The following KIF17 variants were observed in gnomAD, a reference collection of about 807,000 sequenced individuals.
KIF17 encodes the protein kinesin family member 17.
KIF17 carries 80 observed loss-of-function variants against 96.8 expected under a neutral mutation model. The ratio of observed to expected loss-of-function variants is 0.83; its 90% CI spans 0.69 to 1.00. The LOEUF (loss-of-function observed/expected upper bound fraction) is 1.00, where lower values mean the gene tolerates loss of function less well. Ranked by LOEUF, KIF17 falls within the 50% of genes least tolerant of loss-of-function variation. The pLI is 0.00. For missense variants in KIF17, 1,280 were observed against 1,372.9 expected (o/e 0.93, Z 1.07); for synonymous variants, 567 against 587.5 (o/e 0.97, Z 0.51).
chr1:20,663,229 G>T (rs2053468278), downstream of KIF17, among the ~76,000 whole-genome samples: 1 of 152,066 alleles, frequency 6.6e-6, no homozygotes, highest in Non-Finnish European at 1.5e-5. Flanking sequence ...CAGTCTCAAA[G>T]AAAATAAAAA....
intron 1 of KIF17, among the ~76,000 whole-genome samples, chr1:20,716,019 G>C (rs1327803316): frequency 6.6e-6 from 1 of 152,158 alleles, no homozygotes; most frequent in Non-Finnish European, 1.5e-5. Flanking sequence ...GGCTGAGGTG[G>C]GCAGATTACC....
At chr1:20,680,959 T>TA (rs2053819258) in intron 11 of KIF17, among the ~76,000 whole-genome samples, 1 of 150,984 alleles carries the variant, frequency 6.6e-6, no homozygotes, top group African/African-American at 2.4e-5. Context: ...CCGTCTCTAC[T>TA]AAAAAAATAC....
At position 20,685,356 on chromosome 1, in the gene KIF17, G is replaced by A. The variant is rs2053919082; in HGVS notation, c.2020-336C>T. 2.1e-6 allele frequency: 1 copy of A among 473,196 alleles called. No individual in the cohort carries two copies. Among genetic ancestry groups the A allele is most frequent in the Non-Finnish European group, 4.1e-6 (1 of 245,694 alleles). 29.3% of individuals were successfully genotyped at this position (473,196 alleles called of 1,614,324 possible). Reference sequence around the variant, plus strand: ...ATGTGACTTCCCGTCACGTTCGCAGGAAAGTCCACTTTCCTCCCTGCCGGC... The same window carrying A: ...ATGTGACTTCCCGTCACGTTCGCAGAAAAGTCCACTTTCCTCCCTGCCGGC... On this transcript the variant is annotated intron_variant, in intron 9 of 14. Transcript: ENST00000400463. The surrounding 1 kb of genome is among the most constrained non-coding windows in gnomAD (Gnocchi z 4.1).
intron 2 of KIF17, among the ~76,000 whole-genome samples, chr1:20,715,060 C>T (rs1266503038): frequency 6.6e-6 from 1 of 152,190 alleles, no homozygotes; most frequent in Non-Finnish European, 1.5e-5. Flanking sequence ...CTCAACTTGG[C>T]CAATAAAGGC....
intron 6 of KIF17, among the ~76,000 whole-genome samples, chr1:20,695,482 C>T (rs2054120811): frequency 6.6e-6 from 1 of 152,220 alleles, no homozygotes; most frequent in African/African-American, 2.4e-5. Context: ...AGCCACTGCA[C>T]CCAACCCCAT....
At chr1:20,676,344 T>A (rs1282878635) in intron 11 of KIF17, among the ~76,000 whole-genome samples, 1 of 151,944 alleles carries the variant, frequency 6.6e-6, no homozygotes. Context: ...TGGAAAAAAA[T>A]TTACAATTTA....
rs1205018230 is a variant in KIF17 at position 20,666,209 on chromosome 1, C to T, written c.2908+5G>A. The T allele has an allele frequency of 1.2e-6, 2 of 1,604,838 alleles. No homozygotes were observed. Among genetic ancestry groups the T allele is most frequent in the Non-Finnish European group, 1.7e-6 (2 of 1,171,522 alleles). The stretch of plus-strand genomic sequence containing the variant: ...AGAGGGTGGGGACAGGGGAGGGACA[C>T]TCACTGAGGCTCTTCCTGGCGTCTG... On this transcript the variant is annotated splice_donor_5th_base_variant and intron_variant, in intron 14 of 14. Coordinates refer to ENST00000400463, the MANE Select transcript of KIF17 (RefSeq NM_001122819.3).
Position 20,685,004 on chromosome 1 carries a change from G to A in KIF17, c.2036C>T (p.Ser679Leu), listed in dbSNP as rs770015366. The change falls in exon 10 of 15, where the codon TCG becomes TTG. Residue 679 changes from serine (S) to leucine (L), a missense_variant. Physicochemically the swap from Ser to Leu is moderately radical, Grantham distance 145. Coordinates refer to ENST00000400463, the MANE Select transcript of KIF17 (RefSeq NM_001122819.3). This position sits in a 1 kb window ranked among gnomAD's most constrained non-coding sequence, Gnocchi z 4.1. ...FPPRPEVDLA[S>L]EVALEVVRTA... ...CCGCACCACCTCTAAGGCCACTTCC[G>A]AGGCCAGATCTACCTCCTGAGTGTG... 67 of 1,598,394 alleles carry A rather than the reference G, an allele frequency of 4.2e-5. No individual in the cohort carries two copies. The highest frequency in any genetic ancestry group is 1.2e-4 in the African/African-American group (9 of 74,560).
At chr1:20,671,884 G>A (rs1288117584) in intron 12 of KIF17, 54 bp downstream of exon 12, 1 of 1,595,398 alleles carries the variant, frequency 6.3e-7, no homozygotes, top group Middle Eastern at 2.1e-4. Context: ...CAGTCTGCAG[G>A]ATGGTAAGCC....
At chr1:20,671,802 T>C in intron 12 of KIF17, 136 bp downstream of exon 12, 1 of 1,075,864 alleles carries the variant, frequency 9.3e-7, no homozygotes, top group South Asian at 1.5e-5. Context: ...CTCAGAGTCC[T>C]GACGCATCAG....
chr1:20,676,151 A>G (rs1455838185), intron 11 of KIF17, among the ~76,000 whole-genome samples: 2 of 152,260 alleles, frequency 1.3e-5, no homozygotes, highest in Non-Finnish European at 2.9e-5. Flanking sequence ...CAGATTAAGG[A>G]TCAGAGATTT....
Position 20,684,995 on chromosome 1 carries a change from G to A in KIF17, c.2045C>T (p.Ala682Val). 6.9e-6 allele frequency: 11 copies of A among 1,602,240 alleles called. No homozygotes were observed. Among genetic ancestry groups the A allele is most frequent in the South Asian group, 1.1e-5 (1 of 89,020 alleles). ...RPEVDLASEV[A>V]LEVVRTAEPG... ...CTCTGCTGTCCGCACCACCTCTAAG[G>A]CCACTTCCGAGGCCAGATCTACCTC... Residue 682 changes from alanine (A) to valine (V), a missense_variant, in exon 10 of 15, where the codon GCC becomes GTC. By Grantham distance (64) the Ala-to-Val change is moderately conservative. Coordinates refer to ENST00000400463, the MANE Select transcript of KIF17 (RefSeq NM_001122819.3).
intron 6 of KIF17, among the ~76,000 whole-genome samples, chr1:20,695,227 G>A (rs557134542): frequency 1.3e-5 from 2 of 151,606 alleles, no homozygotes; most frequent in South Asian, 2.1e-4. Context: ...TCACTCTGTC[G>A]CCCAGGCTGG....
chr1:20,715,441 C>A, intron 2 of KIF17, 52 bp downstream of exon 2: 1 of 1,603,024 alleles, frequency 6.2e-7, no homozygotes, highest in Non-Finnish European at 8.5e-7. Flanking sequence ...CAGAAGTGCT[C>A]TGGGCCCAGC....
chr1:20,690,490 T>C (rs1394845670), intron 6 of KIF17, among the ~76,000 whole-genome samples, 155 bp from the exon 7 acceptor site: 1 of 152,144 alleles, frequency 6.6e-6, no homozygotes, highest in Non-Finnish European at 1.5e-5. Flanking sequence ...TACTTGCCGG[T>C]GAAGACCTTT....
chr1:20,692,781 T>C (rs2154536428), intron 6 of KIF17: 1 of 151,704 alleles, frequency 6.6e-6, no homozygotes, highest in African/African-American at 2.4e-5. Flanking sequence ...TCTTTCTTTT[T>C]TTTTTTTTTT....
Position 20,674,042 on chromosome 1 carries a change from C to T in KIF17, c.2464-1846G>A, listed in dbSNP as rs558306218. Among the ~76,000 whole-genome samples the T allele has an allele frequency of 3.9e-5, 6 of 152,128 alleles. No individual in the cohort carries two copies. In the South Asian group the frequency reaches 1.2e-3, roughly 32 times the overall value. On this transcript the variant is annotated intron_variant, in intron 11 of 14. Transcript: ENST00000400463. Reference sequence around the variant, plus strand: ...GTTCTGGGCTCAAGCAATCTTCCCACCTCAGCCTCCCAAATAGCTGGGACT... The same window carrying T: ...GTTCTGGGCTCAAGCAATCTTCCCATCTCAGCCTCCCAAATAGCTGGGACT...
At chr1:20,705,292 A>C (rs1350926480) in intron 4 of KIF17, among the ~76,000 whole-genome samples, 1 of 152,182 alleles carries the variant, frequency 6.6e-6, no homozygotes, top group Non-Finnish European at 1.5e-5. Flanking sequence ...CCAGGGAGTG[A>C]TGTCATTCAA....
At chr1:20,695,932 G>A (rs565209668) in intron 6 of KIF17, among the ~76,000 whole-genome samples, 2 of 152,246 alleles carry the variant, frequency 1.3e-5, no homozygotes, top group South Asian at 2.1e-4. Flanking sequence ...ACTGAATGGC[G>A]GAGCTGACCC....
Sources: allele counts gnomAD v4.1 joint callset (sites outside exome capture counted in the v4.1 genomes callset), GRCh38; gene constraint gnomAD v4.1.1; non-coding constraint Gnocchi (gnomAD v3.1); transcripts MANE v1.5; gene names NCBI Gene and HGNC (gene_info 2026-07-23, HGNC 2026-07-21).